The following LRRIQ3 variants were observed in gnomAD, a reference collection of about 807,000 sequenced individuals.
LRRIQ3 encodes leucine rich repeats and IQ motif containing 3.
In LRRIQ3, 75 loss-of-function variants were observed where a neutral mutation model predicts 59.3. The observed-to-expected ratio is 1.26, with a 90% CI of 1.05 to 1.53. The LOEUF (loss-of-function observed/expected upper bound fraction) is 1.53, where lower values mean the gene tolerates loss of function less well. LRRIQ3 is among the 40% of genes most tolerant of loss of function. LRRIQ3 has a pLI of 0.00. For missense variants in LRRIQ3, 831 were observed against 710.0 expected, an observed-to-expected ratio of 1.17 and a Z score of -1.94; for synonymous variants, 250 against 231.3, an observed-to-expected ratio of 1.08 and a Z score of -0.73.
At chr1:74,088,844 G>C (rs1406374926) in intron 5 of LRRIQ3, among the ~76,000 whole-genome samples, 1 of 151,658 alleles carries the variant, frequency 6.6e-6, no homozygotes, top group African/African-American at 2.4e-5. Flanking sequence ...AAAGCATCTG[G>C]GATTTAAAGA....
chr1:74,103,729 A>G (rs1478384709), intron 5 of LRRIQ3, among the ~76,000 whole-genome samples: 1 of 151,936 alleles, frequency 6.6e-6, no homozygotes, highest in Admixed American at 6.6e-5. Context: ...GAAGATGAGT[A>G]GTAGCTTCAA....
intron 6 of LRRIQ3, among the ~76,000 whole-genome samples, chr1:74,048,789 T>C (rs552870766): frequency 1.3e-5 from 2 of 152,316 alleles, no homozygotes; most frequent in African/African-American, 4.8e-5. Flanking sequence ...AATAATATAA[T>C]GTGTGAACAG....
Position 74,071,836 on chromosome 1 carries a change from A to T in LRRIQ3, c.997+2825T>A, listed in dbSNP as rs1655037800. Reference sequence around the variant, plus strand: ...TGGGGCCAAACTGGGACATGTAGTTATAGTACAAATAGCATGGGTCCCTTT... The same window carrying T: ...TGGGGCCAAACTGGGACATGTAGTTTTAGTACAAATAGCATGGGTCCCTTT... On this transcript the variant is annotated intron_variant, in intron 6 of 7. Transcript: ENST00000354431. Among the ~76,000 whole-genome samples, 4 of 152,168 alleles carry T rather than the reference A, an allele frequency of 2.6e-5. No individual in the cohort carries two copies. In the South Asian group the frequency reaches 8.3e-4, roughly 31 times the overall value.
intron 4 of LRRIQ3, among the ~76,000 whole-genome samples, chr1:74,144,929 C>A (rs1217041702): frequency 6.6e-6 from 1 of 151,728 alleles, no homozygotes; most frequent in African/African-American, 2.4e-5. Flanking sequence ...CACACATATA[C>A]ATATACAATT....
At chr1:74,098,250 G>A (rs1334624313) in intron 5 of LRRIQ3, among the ~76,000 whole-genome samples, 1 of 152,136 alleles carries the variant, frequency 6.6e-6, no homozygotes. Context: ...GGCAGGGGTT[G>A]CAATCCTAAT....
intron 6 of LRRIQ3, among the ~76,000 whole-genome samples, chr1:74,060,378 T>TTCC (rs965004428): frequency 6.6e-6 from 1 of 151,152 alleles, no homozygotes; most frequent in South Asian, 2.1e-4. Flanking sequence ...CCTCATCCTC[T>TTCC]TCCTCCTCCT....
intron 6 of LRRIQ3, among the ~76,000 whole-genome samples, chr1:74,044,271 C>T (rs1654133101): frequency 6.6e-6 from 1 of 152,062 alleles, no homozygotes; most frequent in Non-Finnish European, 1.5e-5. Context: ...TGTTGAAATG[C>T]AATCCCCAAT....
At chr1:74,049,837 G>C (rs1218254770) in intron 6 of LRRIQ3, among the ~76,000 whole-genome samples, 2 of 151,102 alleles carry the variant, frequency 1.3e-5, no homozygotes, top group African/African-American at 4.9e-5. Flanking sequence ...AAATCATTTT[G>C]AACAAATACC....
At chr1:74,161,549 T>C (rs1413162931) in intron 3 of LRRIQ3, among the ~76,000 whole-genome samples, 1 of 151,848 alleles carries the variant, frequency 6.6e-6, no homozygotes, top group African/African-American at 2.4e-5. Flanking sequence ...GCATAAGTGG[T>C]GGCAAGGGGA....
intron 6 of LRRIQ3, among the ~76,000 whole-genome samples, chr1:74,069,026 G>A (rs1654946452): frequency 6.6e-6 from 1 of 151,970 alleles, no homozygotes; most frequent in African/African-American, 2.4e-5. Flanking sequence ...TATAATGAAG[G>A]TAAAATAACT....
At chr1:74,085,096 T>C (rs1646312994) in intron 5 of LRRIQ3, among the ~76,000 whole-genome samples, 1 of 151,808 alleles carries the variant, frequency 6.6e-6, no homozygotes. Flanking sequence ...CACATACAAA[T>C]ATCACAATGA....
intron 4 of LRRIQ3, among the ~76,000 whole-genome samples, chr1:74,129,233 C>A (rs537423532): frequency 3.3e-5 from 5 of 152,094 alleles, no homozygotes; most frequent in Admixed American, 2.6e-4. Context: ...TCAAGAGATG[C>A]CATCCAAGAG....
At chr1:74,190,146 C>T (rs547784333) in intron 1 of LRRIQ3, among the ~76,000 whole-genome samples, 11 of 152,176 alleles carry the variant, frequency 7.2e-5, no homozygotes, top group African/African-American at 2.6e-4. Context: ...ATTGGAGCAA[C>T]AGACAGGCAG....
chr1:74,049,220 T>G (rs934020000), intron 6 of LRRIQ3, among the ~76,000 whole-genome samples: 3 of 152,170 alleles, frequency 2.0e-5, no homozygotes, highest in African/African-American at 7.2e-5. Context: ...CTGGAGACGC[T>G]CACAGAGGTA....
intron 7 of LRRIQ3, among the ~76,000 whole-genome samples, chr1:74,032,709 A>T (rs1205809794): frequency 2.0e-5 from 3 of 152,094 alleles, no homozygotes; most frequent in African/African-American, 2.4e-5. Context: ...ACATATTTAA[A>T]GTCCCTTTAC....
chr1:74,195,743 T>C (rs577269641), intron 1 of LRRIQ3, among the ~76,000 whole-genome samples: 1 of 152,320 alleles, frequency 6.6e-6, no homozygotes, highest in Admixed American at 6.5e-5. Context: ...GTTTGATTTG[T>C]GCAGAATTAA....
At chr1:74,127,748 A>G (rs1208786982) in intron 4 of LRRIQ3, among the ~76,000 whole-genome samples, 1 of 151,950 alleles carries the variant, frequency 6.6e-6, no homozygotes, top group Non-Finnish European at 1.5e-5. Context: ...AGATATGACT[A>G]GTTTAGACAC....
intron 4 of LRRIQ3, among the ~76,000 whole-genome samples, chr1:74,110,894 T>C (rs1646685175): frequency 6.6e-6 from 1 of 152,104 alleles, no homozygotes; most frequent in Admixed American, 6.6e-5. Flanking sequence ...CATTCGATTT[T>C]GTTTTACCAT....
chr1:74,166,271 GGTGA>G (rs1025245707), intron 3 of LRRIQ3, among the ~76,000 whole-genome samples: 25 of 151,114 alleles, frequency 1.7e-4, no homozygotes, highest in Non-Finnish European at 3.4e-4. Context: ...TTTCATGGTG[GGTGA>G]GTTTTTGTAG....
Sources: allele counts gnomAD v4.1 joint callset (sites outside exome capture counted in the v4.1 genomes callset), GRCh38; gene constraint gnomAD v4.1.1; transcripts MANE v1.5; gene names NCBI Gene and HGNC (gene_info 2026-07-23, HGNC 2026-07-21).